Variants in CDH4 observed in about 807,000 individuals in gnomAD.
CDH4 encodes the protein cadherin-4.
Under a neutral mutation model 86.0 loss-of-function variants are expected in CDH4, and 33 were observed. The observed-to-expected ratio is 0.38, with a 90% CI of 0.29 to 0.51. CDH4 has a LOEUF of 0.51. Among genes scored for constraint, CDH4 ranks in the 20% least tolerant of loss-of-function variants. The pLI is 0.86. For missense variants in CDH4, 1,114 were observed against 1,307.4 expected, an observed-to-expected ratio of 0.85 and a Z score of 2.28; for synonymous variants, 555 against 549.4, an observed-to-expected ratio of 1.01 and a Z score of -0.14.
At chr20:61,580,596 C>G (rs2086418991) in intron 2 of CDH4, among the ~76,000 whole-genome samples, 1 of 152,108 alleles carries the variant, frequency 6.6e-6, no homozygotes, top group Non-Finnish European at 1.5e-5. Context: ...AGCTGCCTTG[C>G]TGTGCGCTGA....
intron 6 of CDH4, among the ~76,000 whole-genome samples, chr20:61,869,578 G>A (rs1983708001): frequency 6.6e-6 from 1 of 152,204 alleles, no homozygotes; most frequent in Admixed American, 6.5e-5. Flanking sequence ...GGCCCAGTCA[G>A]GGTCCCAAAG....
chr20:61,545,983 GA>G (rs2145663390), intron 2 of CDH4, among the ~76,000 whole-genome samples: 18 of 123,696 alleles, frequency 1.5e-4, no homozygotes, highest in South Asian at 5.7e-4. Flanking sequence ...TGTGTGTGTG[GA>G]GGGGTGTCTG....
At chr20:61,521,021 G>A (rs193005212) in intron 2 of CDH4, among the ~76,000 whole-genome samples, 81 of 152,266 alleles carry the variant, frequency 5.3e-4, no homozygotes, top group Non-Finnish European at 2.9e-5. Flanking sequence ...GGCTGCAGGG[G>A]GGCCCGCACC....
At chr20:61,513,971 A>G (rs1009326564) in intron 2 of CDH4, among the ~76,000 whole-genome samples, 3 of 152,240 alleles carry the variant, frequency 2.0e-5, no homozygotes, top group Non-Finnish European at 2.9e-5. Flanking sequence ...CAGGGCGCCA[A>G]GCAGAGAGAA....
rs919665984 is a variant in CDH4 at position 61,501,842 on chromosome 20, C to G, written c.170-241721C>G. 5.9e-5 allele frequency among the ~76,000 whole-genome samples: 9 copies of G among 152,162 alleles called. No homozygotes were observed. The highest frequency in any genetic ancestry group is 1.2e-4 in the Non-Finnish European group (8 of 68,028). ...TCTAGGTAAGTGATTCCGGTGCTAA[C>G]GCTGGACACGTGTGTCCTTGTATAT... On this transcript the variant is annotated intron_variant, in intron 2 of 15. Coordinates refer to ENST00000614565, the MANE Select transcript of CDH4 (RefSeq NM_001794.5). The surrounding 1 kb of genome is among the most constrained non-coding windows in gnomAD (Gnocchi z 4.2).
intron 2 of CDH4, among the ~76,000 whole-genome samples, chr20:61,723,506 G>T (rs1025421573): frequency 7.9e-5 from 12 of 152,200 alleles, no homozygotes; most frequent in Admixed American, 2.6e-4. Flanking sequence ...CCTGCTGAGG[G>T]ACTGGGCATG....
chr20:61,658,883 G>GA (rs913443774), intron 2 of CDH4, among the ~76,000 whole-genome samples: 6 of 152,174 alleles, frequency 3.9e-5, no homozygotes, highest in African/African-American at 1.4e-4. Flanking sequence ...CAGGGTAGGG[G>GA]GGAGTGACAT....
At chr20:61,362,420 G>A (rs372332686) in intron 2 of CDH4, among the ~76,000 whole-genome samples, 55 of 149,230 alleles carry the variant, frequency 3.7e-4, no homozygotes, top group African/African-American at 1.2e-3. Flanking sequence ...GAGCAGAGAC[G>A]TGGCCTAGGA....
chr20:61,364,743 T>G (rs887096823), intron 2 of CDH4, among the ~76,000 whole-genome samples: 7 of 152,314 alleles, frequency 4.6e-5, no homozygotes, highest in Non-Finnish European at 1.0e-4. Context: ...TTAAAAGTAG[T>G]GAAATAGATC....
At chr20:61,467,858 C>G (rs1017097525) in intron 2 of CDH4, among the ~76,000 whole-genome samples, 5 of 152,162 alleles carry the variant, frequency 3.3e-5, no homozygotes, top group African/African-American at 7.2e-5. Flanking sequence ...TCTAGGAGGA[C>G]TCACAGAGCT....
chr20:61,736,566 T>G (rs1404635128), intron 2 of CDH4, among the ~76,000 whole-genome samples: 1 of 151,298 alleles, frequency 6.6e-6, no homozygotes, highest in Non-Finnish European at 1.5e-5. Flanking sequence ...ACTGGTGGTA[T>G]CAGTGATATG....
intron 2 of CDH4, chr20:61,437,312 A>G (rs2085289045): frequency 6.6e-6 from 1 of 152,156 alleles, no homozygotes; most frequent in African/African-American, 2.4e-5. Flanking sequence ...TTTATGGTAT[A>G]TGTTATTTTC....
At chr20:61,660,937 C>A (rs965199084) in intron 2 of CDH4, among the ~76,000 whole-genome samples, 3 of 152,162 alleles carry the variant, frequency 2.0e-5, no homozygotes, top group Admixed American at 2.0e-4. Flanking sequence ...TGTGACTTTG[C>A]TCAAGGCCAG....
intron 2 of CDH4, among the ~76,000 whole-genome samples, chr20:61,590,257 G>A (rs986037637): frequency 2.0e-5 from 3 of 152,138 alleles, no homozygotes; most frequent in Non-Finnish European, 4.4e-5. Flanking sequence ...CCTAGAGTTG[G>A]CGACAAAGGA....
intron 4 of CDH4, among the ~76,000 whole-genome samples, chr20:61,773,907 T>A (rs1258041742): frequency 6.6e-6 from 1 of 152,208 alleles, no homozygotes; most frequent in Non-Finnish European, 1.5e-5. Flanking sequence ...TTCTCATTCC[T>A]TTCAATGCAG....
At chr20:61,494,515 C>G (rs565593941) in intron 2 of CDH4, among the ~76,000 whole-genome samples, 1 of 152,144 alleles carries the variant, frequency 6.6e-6, no homozygotes, top group Non-Finnish European at 1.5e-5. Flanking sequence ...TAGCTATTTC[C>G]TTGCAGGTAG....
intron 2 of CDH4, among the ~76,000 whole-genome samples, chr20:61,720,365 GACA>G (rs1327144698): frequency 1.3e-5 from 2 of 152,096 alleles, no homozygotes; most frequent in Non-Finnish European, 2.9e-5. Flanking sequence ...TGATGCAGGG[GACA>G]CGTGCAGGGG....
At chr20:61,432,587 A>G (rs2085253933) in intron 2 of CDH4, among the ~76,000 whole-genome samples, 1 of 152,038 alleles carries the variant, frequency 6.6e-6, no homozygotes, top group Non-Finnish European at 1.5e-5. Flanking sequence ...ATGTATGTAT[A>G]TGTATGTGTG....
intron 2 of CDH4, among the ~76,000 whole-genome samples, chr20:61,736,376 A>C (rs781043249): frequency 6.6e-6 from 1 of 152,112 alleles, no homozygotes; most frequent in Non-Finnish European, 1.5e-5. Flanking sequence ...CCAGATGTCC[A>C]CGGAAGGGTC....
Sources: gnomAD v4.1 joint callset for allele counts (sites outside exome capture counted in the v4.1 genomes callset) on GRCh38, gnomAD v4.1.1 for gene constraint, Gnocchi (gnomAD v3.1) non-coding constraint, MANE v1.5 for transcripts, NCBI Gene and HGNC (gene_info 2026-07-23, HGNC 2026-07-21) for gene names.